The following POU6F2 variants were observed in gnomAD, a reference collection of about 807,000 sequenced individuals.
POU6F2 encodes POU domain, class 6, transcription factor 2.
POU6F2 carries 31 observed loss-of-function variants against 71.3 expected under a neutral mutation model. That is an observed-to-expected ratio of 0.43 (90% CI 0.33 to 0.59). The LOEUF is 0.59. Ranked by LOEUF, POU6F2 falls within the 20% of genes least tolerant of loss-of-function variation. POU6F2 has a pLI of 0.04. For synonymous variants in POU6F2, 347 were observed against 355.7 expected (o/e 0.98, Z 0.27); for missense variants, 783 against 856.8 (o/e 0.91, Z 1.07).
intron 6 of POU6F2, among the ~76,000 whole-genome samples, chr7:39,419,265 A>T (rs1787795769): frequency 6.6e-6 from 1 of 150,954 alleles, no homozygotes. Flanking sequence ...TTGGGACTGA[A>T]TCTCACTCTG....
Position 39,417,811 on chromosome 7 carries a change from C to T in POU6F2, c.1113+11071C>T, listed in dbSNP as rs187511805. ...ATCAGACAAATCTGAATCCTGACTT[C>T]ATCTGCAAGCAGCTCTGCCCCCGCT... On this transcript the variant is annotated intron_variant, in intron 6 of 9. Coordinates refer to ENST00000518318, the MANE Select transcript of POU6F2 (RefSeq NM_001370959.1). Among the ~76,000 whole-genome samples, 24 of 152,310 alleles carry T rather than the reference C, an allele frequency of 1.6e-4. 1 individual carries two copies. In the East Asian group the frequency reaches 4.4e-3, roughly 28 times the overall value.
chr7:39,199,648 G>A (rs902711965), intron 2 of POU6F2, among the ~76,000 whole-genome samples: 7 of 152,254 alleles, frequency 4.6e-5, no homozygotes, highest in African/African-American at 9.6e-5. Context: ...AAGGAGTGTC[G>A]TGCTCAGGTG....
intron 2 of POU6F2, among the ~76,000 whole-genome samples, chr7:39,173,278 A>G (rs1401841856): frequency 1.3e-5 from 2 of 152,208 alleles, no homozygotes; most frequent in Non-Finnish European, 2.9e-5. Flanking sequence ...ACAGCTGTAG[A>G]GAGCTAGCTT....
intron 4 of POU6F2, among the ~76,000 whole-genome samples, chr7:39,333,611 G>C (rs1002204563): frequency 1.3e-5 from 2 of 152,018 alleles, no homozygotes; most frequent in African/African-American, 4.8e-5. Flanking sequence ...AGTGGCACGC[G>C]CCTATAGTCC....
intron 4 of POU6F2, among the ~76,000 whole-genome samples, chr7:39,209,105 A>C (rs977499837): frequency 6.6e-6 from 1 of 152,186 alleles, no homozygotes; most frequent in African/African-American, 2.4e-5. Flanking sequence ...TATTCTTAAG[A>C]TATTAGTACC....
chr7:39,024,819 A>G, intron 1 of POU6F2, among the ~76,000 whole-genome samples: 1 of 151,954 alleles, frequency 6.6e-6, no homozygotes, highest in East Asian at 1.9e-4. Context: ...ATTGATTTGC[A>G]TATATTGAAC....
At chr7:39,422,046 G>C (rs1257538633) in intron 6 of POU6F2, among the ~76,000 whole-genome samples, 1 of 152,152 alleles carries the variant, frequency 6.6e-6, no homozygotes, top group African/African-American at 2.4e-5. Flanking sequence ...TCTTTTAAGG[G>C]GGAAAAAATG....
chr7:39,000,530 G>GACACACACACAC (rs5883670), intron 1 of POU6F2, among the ~76,000 whole-genome samples: 5 of 141,146 alleles, frequency 3.5e-5, no homozygotes, highest in African/African-American at 1.3e-4. Context: ...CATACCCACA[G>GACACACACACAC]ACACACACAC....
At chr7:39,456,962 C>A (rs1788820839) in intron 8 of POU6F2, among the ~76,000 whole-genome samples, 1 of 152,158 alleles carries the variant, frequency 6.6e-6, no homozygotes, top group Non-Finnish European at 1.5e-5. Flanking sequence ...GGCTCCCATC[C>A]CTCTGAGCTT....
At chr7:39,268,308 T>C (rs1198669520) in intron 4 of POU6F2, among the ~76,000 whole-genome samples, 2 of 152,184 alleles carry the variant, frequency 1.3e-5, no homozygotes, top group African/African-American at 4.8e-5. Context: ...GGGACACTAA[T>C]TGGTGCCAGT....
intron 5 of POU6F2, among the ~76,000 whole-genome samples, chr7:39,348,972 T>A (rs1408394764): frequency 1.3e-5 from 2 of 152,234 alleles, no homozygotes; most frequent in Admixed American, 6.5e-5. Flanking sequence ...CACATAATGC[T>A]AATTAATATC....
chr7:39,061,368 G>C (rs975773595), intron 1 of POU6F2, among the ~76,000 whole-genome samples: 4 of 152,138 alleles, frequency 2.6e-5, no homozygotes, highest in Admixed American at 2.6e-4. Context: ...CTTTGATACA[G>C]TATCAAAATC....
At chr7:39,290,735 G>T (rs1784738983) in intron 4 of POU6F2, among the ~76,000 whole-genome samples, 1 of 152,154 alleles carries the variant, frequency 6.6e-6, no homozygotes, top group Non-Finnish European at 1.5e-5. Flanking sequence ...TGCTCTGCAG[G>T]ACTTTATGTG....
At chr7:39,152,742 A>G (rs759003242) in intron 2 of POU6F2, among the ~76,000 whole-genome samples, 1 of 152,078 alleles carries the variant, frequency 6.6e-6, no homozygotes, top group Non-Finnish European at 1.5e-5. Flanking sequence ...TTCTATGTCT[A>G]TTTTTCAGCT....
intron 6 of POU6F2, among the ~76,000 whole-genome samples, chr7:39,419,077 A>G (rs1050197460): frequency 7.1e-6 from 1 of 141,814 alleles, no homozygotes; most frequent in African/African-American, 2.6e-5. Flanking sequence ...ATATACACAC[A>G]TATATACGTA....
rs1238767943 is a variant in POU6F2, at chr7:39,347,760, C to T, written c.972+7745C>T. Among the ~76,000 whole-genome samples the T allele has an allele frequency of 2.8e-5, 4 of 143,300 alleles. 1 individual carries two copies. Among genetic ancestry groups the T allele is most frequent in the Non-Finnish European group, 6.2e-5 (4 of 64,144 alleles). The allele number at this position is 143,300 out of a possible 152,430, so 94.0% of individuals were successfully genotyped here. On this transcript the variant is annotated intron_variant, in intron 5 of 9. Coordinates refer to ENST00000518318, the MANE Select transcript of POU6F2 (RefSeq NM_001370959.1). ...CATCCTCCTGCCTCAGCCTCCCGAG[C>T]GTCTGGGACTACAGGCATGTACCAT... is the stretch of plus-strand genomic sequence containing the variant.
chr7:39,006,334 C>T (rs3930047), intron 1 of POU6F2, among the ~76,000 whole-genome samples: 49,713 of 151,808 alleles, frequency 0.33, 8,823 homozygotes, highest in East Asian at 0.69. Context: ...TGTGGTGGCA[C>T]ACACCTGTAA....
chr7:39,006,921 T>C, intron 1 of POU6F2: 2 of 1,540,396 alleles, frequency 1.3e-6, no homozygotes, highest in Non-Finnish European at 9.0e-7. Context: ...CACAAATTTA[T>C]AATCTGTGAG....
At chr7:39,359,295 A>G (rs1180862913) in intron 5 of POU6F2, among the ~76,000 whole-genome samples, 2 of 152,190 alleles carry the variant, frequency 1.3e-5, no homozygotes, top group Non-Finnish European at 2.9e-5. Flanking sequence ...TCTAAGCCTC[A>G]TTGTTGTTTG....
Sources: allele counts gnomAD v4.1 joint callset (sites outside exome capture counted in the v4.1 genomes callset), GRCh38; gene constraint gnomAD v4.1.1; transcripts MANE v1.5; gene names NCBI Gene and HGNC (gene_info 2026-07-23, HGNC 2026-07-21).